The following ASTN2 variants were observed in gnomAD, a reference collection of about 807,000 sequenced individuals.
ASTN2 encodes the protein astrotactin 2.
In ASTN2, 54 loss-of-function variants were observed where a neutral mutation model predicts 139.8. That is an observed-to-expected ratio of 0.39 (90% CI 0.31 to 0.48). ASTN2 has a LOEUF of 0.48. Ranked by LOEUF, ASTN2 falls within the 20% of genes least tolerant of loss-of-function variation. The pLI, the probability that ASTN2 is intolerant of heterozygous loss-of-function variation, is 0.95. For missense variants in ASTN2, 1,565 were observed against 1,725.1 expected (o/e 0.91, Z 1.64); for synonymous variants, 756 against 719.5 (o/e 1.05, Z -0.81).
At chr9:116,516,468 G>T (rs1307996201) in intron 19 of ASTN2, among the ~76,000 whole-genome samples, 1 of 152,182 alleles carries the variant, frequency 6.6e-6, no homozygotes, top group African/African-American at 2.4e-5. Flanking sequence ...TAAATAGAAT[G>T]AGGGCCTTTT....
intron 4 of ASTN2, among the ~76,000 whole-genome samples, chr9:117,134,374 G>C (rs1829902438): frequency 7.2e-6 from 1 of 138,334 alleles, no homozygotes; most frequent in Non-Finnish European, 1.5e-5. Context: ...CACAGTAAAA[G>C]CACATTGAAA....
intron 6 of ASTN2, among the ~76,000 whole-genome samples, chr9:117,016,945 A>G (rs1000711955): frequency 3.3e-5 from 5 of 151,424 alleles, no homozygotes; most frequent in Non-Finnish European, 5.9e-5. Context: ...TGTCTTCCCT[A>G]CCTCAGACTT....
chr9:117,208,771 T>G (rs1156747325), intron 3 of ASTN2, among the ~76,000 whole-genome samples: 1 of 152,114 alleles, frequency 6.6e-6, no homozygotes, highest in African/African-American at 2.4e-5. Flanking sequence ...AAAGGGAATT[T>G]TCATTAAAGT....
intron 11 of ASTN2, among the ~76,000 whole-genome samples, chr9:116,846,925 G>A (rs944294299): frequency 7.1e-6 from 1 of 141,544 alleles, no homozygotes; most frequent in Non-Finnish European, 1.5e-5. Flanking sequence ...GAAGCCTTCT[G>A]CACACAGCAA....
At chr9:116,640,792 T>G (rs1372334) in intron 17 of ASTN2, among the ~76,000 whole-genome samples, 3,616 of 152,344 alleles carry the variant, frequency 0.024, 140 homozygotes, top group African/African-American at 0.082. Context: ...TTTGAAAATA[T>G]CACTCTGGCT....
In ASTN2 at chr9:116,639,403, T is replaced by C. The variant is rs145151035; in HGVS notation, c.3072+12125A>G. Among the ~76,000 whole-genome samples, 921 of 152,340 alleles carry C rather than the reference T, an allele frequency of 6.0e-3. 13 individuals are homozygous for C. Among genetic ancestry groups the C allele is most frequent in the African/African-American group, 0.021 (889 of 41,584 alleles). The stretch of plus-strand genomic sequence containing the variant: ...GGTACAAACTCATGCTGCTTTCAAC[T>C]GCATATGCCTGGTGAATTGTGAGAC... On this transcript the variant is annotated intron_variant, in intron 17 of 22. Coordinates refer to ENST00000313400, the MANE Select transcript of ASTN2 (RefSeq NM_001365068.1).
chr9:117,288,168 ACT>A (rs1834496319), intron 2 of ASTN2, among the ~76,000 whole-genome samples: 1 of 152,166 alleles, frequency 6.6e-6, no homozygotes. Flanking sequence ...CACTTTCTGG[ACT>A]AGGTTCAGAG....
At chr9:117,333,144 C>T (rs1437345514) in intron 1 of ASTN2, among the ~76,000 whole-genome samples, 1 of 152,110 alleles carries the variant, frequency 6.6e-6, no homozygotes, top group African/African-American at 2.4e-5. Context: ...TGAATCATAT[C>T]TCAATCGAGC....
chr9:116,585,352 G>T (rs928524725), intron 19 of ASTN2: 2 of 152,324 alleles, frequency 1.3e-5, no homozygotes, highest in East Asian at 3.9e-4. Flanking sequence ...TAGAGTGCCT[G>T]TCATACAGAT....
chr9:116,732,626 T>G (rs1363764580), intron 14 of ASTN2, among the ~76,000 whole-genome samples: 2 of 152,096 alleles, frequency 1.3e-5, no homozygotes, highest in Non-Finnish European at 1.5e-5. Context: ...AGGAAATTTC[T>G]TAAGAAAAGG....
intron 10 of ASTN2, among the ~76,000 whole-genome samples, chr9:116,957,358 T>C (rs996806139): frequency 6.6e-6 from 1 of 152,232 alleles, no homozygotes; most frequent in Non-Finnish European, 1.5e-5. Flanking sequence ...TTGGGTCACA[T>C]TGCTTCAAAA....
chr9:116,606,383 G>A (rs537818039), intron 19 of ASTN2, among the ~76,000 whole-genome samples: 1 of 152,252 alleles, frequency 6.6e-6, no homozygotes, highest in East Asian at 1.9e-4. Flanking sequence ...TGAAACAGAT[G>A]GCAGCCATAA....
At chr9:116,924,875 T>C (rs1473897546) in intron 10 of ASTN2, among the ~76,000 whole-genome samples, 1 of 152,140 alleles carries the variant, frequency 6.6e-6, no homozygotes, top group Non-Finnish European at 1.5e-5. Context: ...CGCCTTAACC[T>C]TCTGGGAGTG....
intron 7 of ASTN2, among the ~76,000 whole-genome samples, chr9:116,979,704 T>A (rs866148494): frequency 6.6e-5 from 10 of 152,082 alleles, no homozygotes; most frequent in Middle Eastern, 3.4e-3. Context: ...GGTAAAATGG[T>A]TACCTCTGGC....
chr9:116,440,536 G>A, intron 22 of ASTN2, 73 bp downstream of exon 22: 2 of 1,426,362 alleles, frequency 1.4e-6, no homozygotes, highest in South Asian at 2.5e-5. Flanking sequence ...CTCAGCCTAT[G>A]GGGAAAGGGT....
chr9:117,329,181 T>TC (rs1828621087), intron 1 of ASTN2, among the ~76,000 whole-genome samples: 1 of 77,892 alleles, frequency 1.3e-5, no homozygotes, highest in South Asian at 4.2e-4. Context: ...TTCCAAGTTC[T>TC]TTTTTTTTTT....
chr9:117,357,687 C>T lies in ASTN2; in HGVS notation c.442+56810G>A, dbSNP rs146010396. ...AACCACAGGAGATTGGAATTAATGT[C>T]TAGTCTTGAGTTAAGAATGTTATAT... On this transcript the variant is annotated intron_variant, in intron 1 of 22. Coordinates refer to ENST00000313400, the MANE Select transcript of ASTN2 (RefSeq NM_001365068.1). 2.9e-4 allele frequency among the ~76,000 whole-genome samples: 44 copies of T among 152,208 alleles called. 1 individual carries two copies. Among genetic ancestry groups the T allele is most frequent in the African/African-American group, 9.6e-4 (40 of 41,546 alleles).
At position 116,698,795 on chromosome 9, in the gene ASTN2, T is replaced by C; in HGVS notation, c.2806+26976A>G. ...AGCGGGGTCCTGAGGCAGCCTCCAA[T>C]ATCCAGCAGTGCCTCTTTCTCAAGA... is the stretch of plus-strand genomic sequence containing the variant. On this transcript the variant is annotated intron_variant, in intron 16 of 22. Transcript: ENST00000313400. The surrounding 1 kb of genome is among the most constrained non-coding windows in gnomAD (Gnocchi z 4.4). 1 of 1,614,098 alleles carries C rather than the reference T, an allele frequency of 6.2e-7. No individual in the cohort carries two copies. Among genetic ancestry groups the C allele is most frequent in the Non-Finnish European group, 8.5e-7 (1 of 1,180,010 alleles).
chr9:116,563,654 A>G (rs1349044722), intron 19 of ASTN2, among the ~76,000 whole-genome samples: 1 of 151,998 alleles, frequency 6.6e-6, no homozygotes, highest in African/African-American at 2.4e-5. Context: ...TCCCTCATCT[A>G]GCATAGTTGT....
Sources: allele counts gnomAD v4.1 joint callset (sites outside exome capture counted in the v4.1 genomes callset), GRCh38; gene constraint gnomAD v4.1.1; non-coding constraint Gnocchi (gnomAD v3.1); transcripts MANE v1.5; gene names NCBI Gene and HGNC (gene_info 2026-07-23, HGNC 2026-07-21).